Variants in CDKL5 observed in about 807,000 individuals in gnomAD.
CDKL5 encodes the protein cyclin dependent kinase like 5.
A neutral mutation model predicts 61.7 loss-of-function variants in CDKL5; 8 were observed. The ratio of observed to expected loss-of-function variants is 0.13; its 90% CI spans 0.08 to 0.23. The LOEUF (loss-of-function observed/expected upper bound fraction) is 0.23, where lower values mean the gene tolerates loss of function less well. Ranked by LOEUF, CDKL5 falls within the 10% of genes least tolerant of loss-of-function variation. The pLI, the probability that CDKL5 is intolerant of heterozygous loss-of-function variation, is 1.00. For synonymous variants in CDKL5, 275 were observed against 272.3 expected (o/e 1.01, Z -0.10); for missense variants, 440 against 734.5 (o/e 0.60, Z 4.63).
In CDKL5 at chrX:18,630,886, C is replaced by T. The variant is rs753596416; in HGVS notation, c.*2129C>T. The stretch of plus-strand genomic sequence containing the variant: ...TGATACAAATGAGGTGGACCATCAG[C>T]AGTTTTGCCTGGACACTAATGACTC... On this transcript the variant is annotated 3_prime_UTR_variant, in exon 18 of 18. Transcript: ENST00000623535. 21 of 745,631 alleles carry T rather than the reference C, an allele frequency of 2.8e-5. No individual in the cohort carries two copies. Among genetic ancestry groups the T allele is most frequent in the Non-Finnish European group, 3.3e-5 (21 of 636,967 alleles). 61.4% of individuals were successfully genotyped at this position (745,631 alleles called of 1,213,427 possible). A position where few individuals can be genotyped will look rare whatever the true frequency, so the allele number is the denominator to read the frequency against.
intron 3 of CDKL5, among the ~76,000 whole-genome samples, chrX:18,539,713 A>G (rs1362813721): frequency 3.6e-5 from 4 of 111,751 alleles, no homozygotes; most frequent in Non-Finnish European, 7.5e-5. Context: ...ATATATGACA[A>G]TGAGACCCTG....
intron 4 of CDKL5, among the ~76,000 whole-genome samples, chrX:18,566,807 G>A (rs1348347094): frequency 2.7e-5 from 3 of 111,536 alleles, no homozygotes; most frequent in Non-Finnish European, 5.6e-5. Flanking sequence ...TAGTCTAGAC[G>A]TGGAAGACAT....
chrX:18,604,708 G>A lies in CDKL5; in HGVS notation c.1784G>A (p.Gly595Glu), dbSNP rs1926300498. 8.3e-7 allele frequency: 1 copy of A among 1,210,037 alleles called. No individual in the cohort carries two copies. Among genetic ancestry groups the A allele is most frequent in the African/African-American group, 1.7e-5 (1 of 57,222 alleles). ...LSAPHESFSY[G>E]LGYTSPFSSQ... ...GCACCTCACGAATCTTTTTCTTATG[G>A]ACTGGGCTACACCAGCCCCTTTTCT... Residue 595 changes from glycine to glutamate, a missense_variant, in exon 12 of 18, where the codon GGA becomes GAA. By Grantham distance (98) the Gly-to-Glu change is moderately conservative. This residue lies in a region of CDKL5 where 363 missense variants were observed against 516.3 expected (regional missense o/e 0.70). Coordinates refer to ENST00000623535, the MANE Select transcript of CDKL5 (RefSeq NM_001323289.2).
At chrX:18,552,853 G>A (rs961568004) in intron 3 of CDKL5, among the ~76,000 whole-genome samples, 3 of 111,432 alleles carry the variant, frequency 2.7e-5, no homozygotes, top group Non-Finnish European at 3.8e-5. Flanking sequence ...AGGAGACCTA[G>A]GGAGAGGAGG....
chrX:18,479,237 A>AT (rs1452660424), intron 1 of CDKL5, among the ~76,000 whole-genome samples: 7 of 83,847 alleles, frequency 8.3e-5, no homozygotes, highest in Admixed American at 7.7e-4. Flanking sequence ...TGTTTATTGT[A>AT]TTTGGAGTTT....
At chrX:18,647,048 C>T (rs905416364) in intron 20 of CDKL5, 3 of 639,641 alleles carry the variant, frequency 4.7e-6, no homozygotes, top group Non-Finnish European at 4.9e-6. Flanking sequence ...TCCTGAGTAG[C>T]TGGGATTACA....
At chrX:18,642,162 GAGAT>G (rs746069375), downstream of CDKL5, 15 of 1,208,369 alleles carry the variant, frequency 1.2e-5, no homozygotes, top group Non-Finnish European at 1.6e-5. Context: ...AAGACCTAGA[GAGAT>G]AGAGGAAATC....
At position 18,647,178 on chromosome X, in the gene CDKL5, G is replaced by A. The variant is rs766177437; in HGVS notation, c.2797+1088G>A. 3 of 1,207,458 alleles carry A rather than the reference G, an allele frequency of 2.5e-6. No homozygotes were observed. Among genetic ancestry groups the A allele is most frequent in the African/African-American group, 1.8e-5 (1 of 56,504 alleles). ...TAAAAGCACATGAAAAAAAATCCCC[G>A]GGCCCTGCTTACCCAAAGCCTTGAC... is the stretch of plus-strand genomic sequence containing the variant. On this transcript the variant is annotated intron_variant, in intron 20 of 21. Coordinates refer to the CDKL5 transcript ENST00000379989.
intron 3 of CDKL5, among the ~76,000 whole-genome samples, chrX:18,536,991 CTT>C (rs377081484): frequency 2.4e-4 from 23 of 95,715 alleles, no homozygotes; most frequent in Admixed American, 2.3e-4. Context: ...AAAAATGTAG[CTT>C]TTTTTTTTTT....
At position 18,622,190 on chromosome X, in the gene CDKL5, A is replaced by G. The variant is rs188120521; in HGVS notation, c.2376+2224A>G. On this transcript the variant is annotated intron_variant, in intron 16 of 17. Coordinates refer to ENST00000623535, the MANE Select transcript of CDKL5 (RefSeq NM_001323289.2). ...TTAGTTAAATTTTAGATATTTTAGT[A>G]ATATAGATTAGAGTAAAAAGGAAAA... Among the ~76,000 whole-genome samples, 445 of 112,405 alleles carry G rather than the reference A, an allele frequency of 4.0e-3. 4 individuals are homozygous for G. The highest frequency in any genetic ancestry group is 0.014 in the African/African-American group (434 of 31,030).
chrX:18,485,979 A>C (rs1411838860), intron 1 of CDKL5, among the ~76,000 whole-genome samples: 2 of 111,566 alleles, frequency 1.8e-5, no homozygotes, highest in Non-Finnish European at 3.8e-5. Flanking sequence ...ACCTTTCTCA[A>C]AAAGCCCCTT....
At position 18,587,929 on chromosome X, in the gene CDKL5, A is replaced by T. The variant is rs774465245; in HGVS notation, c.555-25A>T. On this transcript the variant is annotated intron_variant, in intron 8 of 17. Coordinates refer to ENST00000623535, the MANE Select transcript of CDKL5 (RefSeq NM_001323289.2). ...AACATTATATTTTTTCAGTTGCCAA[A>T]ATAATCTCTTCCTTTATTTTTCAGC... The T allele has an allele frequency of 1.6e-5, 19 of 1,194,998 alleles. No homozygotes were observed. The South Asian group carries it at 3.2e-4, about 20-fold the overall frequency.
chrX:18,445,968 A>G (rs954263890), intron 1 of CDKL5, among the ~76,000 whole-genome samples: 1 of 110,472 alleles, frequency 9.1e-6, no homozygotes, highest in Non-Finnish European at 1.9e-5. Flanking sequence ...TGTTTATCAT[A>G]TGAAGAATCT....
In CDKL5 at chrX:18,637,205, A is replaced by C. The variant is rs927753177; in HGVS notation, c.*8448A>C. On this transcript the variant is annotated 3_prime_UTR_variant, in exon 18 of 18. Coordinates refer to ENST00000623535, the MANE Select transcript of CDKL5 (RefSeq NM_001323289.2). ...CAGGAGTTCGAGACCAGCCTGGCCAACATGGTGAAACCCCGTCTCTACTAA... is the reference window on the plus strand; with the variant it reads ...CAGGAGTTCGAGACCAGCCTGGCCACCATGGTGAAACCCCGTCTCTACTAA... 9.0e-6 allele frequency: 1 copy of C among 111,439 alleles called. No homozygotes were observed. The highest frequency in any genetic ancestry group is 1.9e-5 in the Non-Finnish European group (1 of 53,080). 9.2% of individuals were successfully genotyped at this position (111,439 alleles called of 1,213,427 possible). A position where few individuals can be genotyped will look rare whatever the true frequency, so the allele number is the denominator to read the frequency against.
At chrX:18,441,626 G>GT (rs1384728371) in intron 1 of CDKL5, among the ~76,000 whole-genome samples, 1 of 111,073 alleles carries the variant, frequency 9.0e-6, no homozygotes, top group Non-Finnish European at 1.9e-5. Flanking sequence ...CTGGATTTGA[G>GT]TTTTTTTGTG....
At chrX:18,642,264 G>C, downstream of CDKL5, 1 of 908,140 alleles carries the variant, frequency 1.1e-6, no homozygotes, top group Non-Finnish European at 1.6e-6. Context: ...TGATTAGGAA[G>C]TAGTTAAAGC....
Position 18,629,428 on chromosome X carries a change from T to A in CDKL5, c.*671T>A, listed in dbSNP as rs1331944793. 1.6e-6 allele frequency: 1 copy of A among 610,904 alleles called. No individual in the cohort carries two copies. Among genetic ancestry groups the A allele is most frequent in the African/African-American group, 2.5e-5 (1 of 40,297 alleles). The allele number at this position is 610,904 out of a possible 1,213,427, so 50.3% of individuals were successfully genotyped here. A position where few individuals can be genotyped will look rare whatever the true frequency, so the allele number is the denominator to read the frequency against. On this transcript the variant is annotated 3_prime_UTR_variant, in exon 18 of 18. Transcript: ENST00000623535. The stretch of plus-strand genomic sequence containing the variant: ...AAACTAAACAGTAACATTTATATAT[T>A]GCATCAGGAGTATTTTATTCTATAT...
At chrX:18,503,702 C>T (rs1922467781) in intron 1 of CDKL5, among the ~76,000 whole-genome samples, 2 of 111,676 alleles carry the variant, frequency 1.8e-5, no homozygotes, top group African/African-American at 3.3e-5. Context: ...TTTATTGTTT[C>T]TTATTTTACT....
intron 1 of CDKL5, among the ~76,000 whole-genome samples, chrX:18,472,945 A>T (rs1222785327): frequency 9.3e-6 from 1 of 107,246 alleles, no homozygotes; most frequent in Non-Finnish European, 1.9e-5. Flanking sequence ...GGGTTGGAGA[A>T]TCTCTTCTAA....
Sources: gnomAD v4.1 joint callset for allele counts (sites outside exome capture counted in the v4.1 genomes callset) on GRCh38, gnomAD v4.1.1 for gene constraint, gnomAD v4.1.1 regional missense constraint, MANE v1.5 for transcripts, NCBI Gene and HGNC (gene_info 2026-07-23, HGNC 2026-07-21) for gene names.